PTPRD: variants seen among roughly 807,000 people sequenced by gnomAD.
PTPRD encodes the protein protein tyrosine phosphatase receptor type D.
Under a neutral mutation model 214.5 loss-of-function variants are expected in PTPRD, and 34 were observed. The ratio of observed to expected loss-of-function variants is 0.16; its 90% CI spans 0.12 to 0.21. PTPRD has a LOEUF of 0.21. PTPRD is among the 10% of genes least tolerant of loss of function. PTPRD has a pLI of 1.00. For missense variants in PTPRD, 2,545 were observed against 2,398.7 expected (o/e 1.06, Z -1.27); for synonymous variants, 1,128 against 845.7 (o/e 1.33, Z -5.79).
chr9:10,159,908 G>T (rs2099117213), intron 3 of PTPRD, among the ~76,000 whole-genome samples: 1 of 151,946 alleles, frequency 6.6e-6, no homozygotes, highest in East Asian at 1.9e-4. Flanking sequence ...GTTCAAAAGG[G>T]ATTTGAGCAA....
At chr9:10,196,264 A>T (rs983048856) in intron 3 of PTPRD, among the ~76,000 whole-genome samples, 1 of 152,154 alleles carries the variant, frequency 6.6e-6, no homozygotes, top group Admixed American at 6.6e-5. Flanking sequence ...CCCAGTGTAA[A>T]GATTGACATA....
chr9:9,366,811 T>C (rs945841239), intron 9 of PTPRD, among the ~76,000 whole-genome samples: 7 of 151,270 alleles, frequency 4.6e-5, no homozygotes, highest in Non-Finnish European at 7.4e-5. Flanking sequence ...ATACATGTAA[T>C]AAAAATGAAT....
At chr9:10,304,363 T>G (rs753120872) in intron 3 of PTPRD, among the ~76,000 whole-genome samples, 9 of 152,156 alleles carry the variant, frequency 5.9e-5, no homozygotes, top group Non-Finnish European at 1.3e-4. Flanking sequence ...AAGACAAGGA[T>G]GCCCTCTCTC....
intron 10 of PTPRD, among the ~76,000 whole-genome samples, chr9:9,175,639 A>AAAAAAC: frequency 6.8e-6 from 1 of 146,630 alleles, no homozygotes; most frequent in African/African-American, 2.7e-5. Flanking sequence ...AAAAAAAAAA[A>AAAAAAC]AAAAAAAAAA....
intron 7 of PTPRD, among the ~76,000 whole-genome samples, chr9:9,698,815 T>G (rs1452702999): frequency 6.6e-6 from 1 of 152,154 alleles, no homozygotes; most frequent in African/African-American, 2.4e-5. Context: ...CTGGAAGATT[T>G]GAGAAAGGGC....
chr9:10,126,646 T>C (rs1175704871), intron 3 of PTPRD, among the ~76,000 whole-genome samples: 1 of 152,252 alleles, frequency 6.6e-6, no homozygotes, highest in East Asian at 1.9e-4. Flanking sequence ...ACCAGAACAC[T>C]AGATTCTTTC....
At chr9:9,639,906 G>A (rs936962231) in intron 7 of PTPRD, among the ~76,000 whole-genome samples, 1 of 152,176 alleles carries the variant, frequency 6.6e-6, no homozygotes, top group Admixed American at 6.5e-5. Flanking sequence ...AAAATGAAGA[G>A]ATTATAGGAA....
chr9:8,985,530 C>T (rs1232156497), intron 11 of PTPRD, among the ~76,000 whole-genome samples: 1 of 151,602 alleles, frequency 6.6e-6, no homozygotes, highest in Non-Finnish European at 1.5e-5. Context: ...TTTAATCTTC[C>T]AACAATTCTA....
intron 14 of PTPRD, among the ~76,000 whole-genome samples, chr9:8,627,479 C>T (rs994435125): frequency 6.6e-6 from 1 of 151,780 alleles, no homozygotes; most frequent in African/African-American, 2.4e-5. Context: ...AGTAAACACT[C>T]GCATGAGTTG....
chr9:9,191,625 C>A (rs186701109), intron 9 of PTPRD, among the ~76,000 whole-genome samples: 3 of 152,114 alleles, frequency 2.0e-5, no homozygotes, highest in Admixed American at 1.3e-4. Context: ...GTCAGAGATG[C>A]CTGATGATGA....
At chr9:9,245,278 C>G (rs2099972485) in intron 9 of PTPRD, among the ~76,000 whole-genome samples, 1 of 151,970 alleles carries the variant, frequency 6.6e-6, no homozygotes, top group Non-Finnish European at 1.5e-5. Flanking sequence ...CCAGCCATGC[C>G]AAAGGAATAT....
intron 8 of PTPRD, among the ~76,000 whole-genome samples, chr9:9,398,147 G>A (rs546516772): frequency 4.1e-5 from 6 of 146,202 alleles, no homozygotes; most frequent in Admixed American, 6.9e-5. Flanking sequence ...TCCATACTTC[G>A]GTTTACTTCA....
chr9:8,490,537 T>C lies in PTPRD; in HGVS notation c.2467+2325A>G, dbSNP rs371299038. Among the ~76,000 whole-genome samples, 72 of 152,328 alleles carry C rather than the reference T, an allele frequency of 4.7e-4. 1 individual carries two copies. The highest frequency in any genetic ancestry group is 1.7e-3 in the African/African-American group (69 of 41,576). ...CCTTAAACATAGCTGTTCAATATAG[T>C]ACTGAAATTCATGTAAAAATATACA... On this transcript the variant is annotated intron_variant, in intron 27 of 45. Coordinates refer to ENST00000381196, the MANE Select transcript of PTPRD (RefSeq NM_002839.4).
intron 4 of PTPRD, among the ~76,000 whole-genome samples, chr9:9,970,287 A>T (rs535970556): frequency 1.3e-5 from 2 of 152,010 alleles, no homozygotes; most frequent in Admixed American, 1.3e-4. Flanking sequence ...CATCTCTACT[A>T]AAAGTACAAA....
chr9:10,361,066 C>G, intron 2 of PTPRD, among the ~76,000 whole-genome samples: 1 of 152,144 alleles, frequency 6.6e-6, no homozygotes, highest in Non-Finnish European at 1.5e-5. Context: ...GGAGCCACTG[C>G]ACTCCAGCCT....
At chr9:10,131,816 T>A (rs971416834) in intron 3 of PTPRD, among the ~76,000 whole-genome samples, 1 of 152,202 alleles carries the variant, frequency 6.6e-6, no homozygotes, top group African/African-American at 2.4e-5. Flanking sequence ...GTGGATTTGA[T>A]CATTGACCTT....
chr9:8,483,313 A>G (rs1199318923), intron 30 of PTPRD, among the ~76,000 whole-genome samples: 1 of 152,068 alleles, frequency 6.6e-6, no homozygotes, highest in African/African-American at 2.4e-5. Flanking sequence ...CTTTTAATAC[A>G]TCAGTGTCAT....
chr9:9,228,091 C>A (rs923458820), intron 9 of PTPRD, among the ~76,000 whole-genome samples: 1 of 152,048 alleles, frequency 6.6e-6, no homozygotes, highest in Non-Finnish European at 1.5e-5. Flanking sequence ...GTAGCCCATA[C>A]AATAAAATGT....
At chr9:9,149,905 T>C (rs951402950) in intron 10 of PTPRD, among the ~76,000 whole-genome samples, 10 of 152,186 alleles carry the variant, frequency 6.6e-5, no homozygotes, top group African/African-American at 2.4e-4. Context: ...TCCATTTAAG[T>C]ACCTGAGGAC....
Sources: allele counts gnomAD v4.1 joint callset (sites outside exome capture counted in the v4.1 genomes callset), GRCh38; gene constraint gnomAD v4.1.1; transcripts MANE v1.5; gene names NCBI Gene and HGNC (gene_info 2026-07-23, HGNC 2026-07-21).